The following OAS1 variants were observed in gnomAD, a reference collection of about 807,000 sequenced individuals.
OAS1 encodes 2'-5'-oligoadenylate synthase 1.
In OAS1, 24 loss-of-function variants were observed where a neutral mutation model predicts 38.5. The observed-to-expected ratio is 0.62, with a 90% CI of 0.45 to 0.88. OAS1 has a LOEUF of 0.88. Among genes scored for constraint, OAS1 ranks in the 40% least tolerant of loss-of-function variants. The probability of loss-of-function intolerance (pLI) is 0.00; values close to 1 mark genes in which losing one functional copy is unlikely to be tolerated. For missense variants in OAS1, 482 were observed against 493.9 expected, an observed-to-expected ratio of 0.98 and a Z score of 0.23; for synonymous variants, 169 against 193.9, an observed-to-expected ratio of 0.87 and a Z score of 1.07.
At chr12:112,923,722 T>A (rs2043543857), downstream of OAS1, among the ~76,000 whole-genome samples, 1 of 152,234 alleles carries the variant, frequency 6.6e-6, no homozygotes, top group Admixed American at 6.5e-5. Context: ...TCTGATGTAG[T>A]CCAAGTTGCC....
At chr12:112,915,694 G>T (rs960059743) in intron 3 of OAS1, among the ~76,000 whole-genome samples, 1 of 152,154 alleles carries the variant, frequency 6.6e-6, no homozygotes, top group East Asian at 1.9e-4. Context: ...CATTGAATTT[G>T]TAGATTGTTT....
intron 6 of OAS1, among the ~76,000 whole-genome samples, chr12:112,927,633 G>A (rs1480336214): frequency 6.6e-6 from 1 of 152,174 alleles, no homozygotes; most frequent in African/African-American, 2.4e-5. Context: ...GGACTACTAT[G>A]ATCTTGGTTT....
At chr12:112,927,696 G>T (rs1371937807) in intron 6 of OAS1, among the ~76,000 whole-genome samples, 1 of 152,118 alleles carries the variant, frequency 6.6e-6, no homozygotes, top group Non-Finnish European at 1.5e-5. Flanking sequence ...CCCCCAAGCT[G>T]CAGCATGACT....
At chr12:112,926,598 A>G (rs1045226435) in intron 6 of OAS1, among the ~76,000 whole-genome samples, 1 of 152,140 alleles carries the variant, frequency 6.6e-6, no homozygotes, top group African/African-American at 2.4e-5. Flanking sequence ...GGTCACAGAG[A>G]ACACATGATT....
At position 112,908,735 on chromosome 12, in the gene OAS1, G is replaced by C. The variant is rs201406745; in HGVS notation, c.380G>C (p.Gly127Ala). 1 of 1,614,196 alleles carries C rather than the reference G, an allele frequency of 6.2e-7. No homozygotes were observed. The highest frequency in any genetic ancestry group is 1.3e-5 in the African/African-American group (1 of 75,054). ...TTTGAGGTCCAGGCTCCACGCTGGG[G>C]CAACCCCCGTGCGCTCAGCTTCGTA... ...VKFEVQAPRWGNPRALSFVLS... is the reference protein window; with the variant it reads ...VKFEVQAPRWANPRALSFVLS... Residue 127 changes from glycine (G) to alanine (A), a missense_variant, in exon 2 of 6, where the codon GGC (glycine) becomes GCC (alanine). Coordinates refer to ENST00000202917, the MANE Select transcript of OAS1 (RefSeq NM_016816.4).
In OAS1 at chr12:112,916,754, A is replaced by C; in HGVS notation, c.884+16A>C. 3 of 1,568,582 alleles carry C rather than the reference A, an allele frequency of 1.9e-6. No individual in the cohort carries two copies. The highest frequency in any genetic ancestry group is 2.6e-6 in the Non-Finnish European group (3 of 1,138,588). On this transcript the variant is annotated intron_variant, in intron 4 of 5. Coordinates refer to ENST00000202917, the MANE Select transcript of OAS1 (RefSeq NM_016816.4). Reference sequence around the variant, plus strand: ...CGAAACCCAGGTATGCTATCCCCACATGGCTTAGCTCCCCTATGTAAATGA... The same window carrying C: ...CGAAACCCAGGTATGCTATCCCCACCTGGCTTAGCTCCCCTATGTAAATGA...
At chr12:112,921,778 T>G (rs1257876485), downstream of OAS1, among the ~76,000 whole-genome samples, 1 of 152,206 alleles carries the variant, frequency 6.6e-6, no homozygotes, top group Non-Finnish European at 1.5e-5. Flanking sequence ...TGTACTTCCC[T>G]GGCTCTGAGA....
Position 112,908,522 on chromosome 12 carries a change from G to T in OAS1, c.181-14G>T. The T allele has an allele frequency of 6.3e-7, 1 of 1,595,750 alleles. No homozygotes were observed. Among genetic ancestry groups the T allele is most frequent in the Admixed American group, 1.8e-5 (1 of 55,802 alleles). On this transcript the variant is annotated splice_polypyrimidine_tract_variant and intron_variant, in intron 1 of 5. Coordinates refer to ENST00000202917, the MANE Select transcript of OAS1 (RefSeq NM_016816.4). ...TCACTAAGCATCAATTATTATTTTTGTCGTCTTTTTCAGGGTGGCTCCTCA... is the reference window on the plus strand; with the variant it reads ...TCACTAAGCATCAATTATTATTTTTTTCGTCTTTTTCAGGGTGGCTCCTCA...
rs756306394 is a variant in OAS1, at chr12:112,911,103, C to T, written c.522C>T (p.Ile174=). 2.2e-5 allele frequency: 35 copies of T among 1,613,908 alleles called. No individual in the cohort carries two copies. Among genetic ancestry groups the T allele is most frequent in the African/African-American group, 1.1e-4 (8 of 74,880 alleles). ...KPNPQIYVKL[I]EECTDLQKEG... is the part of the protein sequence containing the mutation. ...ACCCCCAAATCTATGTCAAGCTCAT[C>T]GAGGAGTGCACCGACCTGCAGAAAG... The change falls in exon 3 of 6, where the codon ATC becomes ATT. Residue 174 remains isoleucine, a synonymous_variant. Coordinates refer to ENST00000202917, the MANE Select transcript of OAS1 (RefSeq NM_016816.4).
At chr12:112,929,854 C>T (rs976249666) in intron 6 of OAS1, among the ~76,000 whole-genome samples, 9 of 152,138 alleles carry the variant, frequency 5.9e-5, no homozygotes, top group African/African-American at 1.7e-4. Flanking sequence ...ACTTAGTGTG[C>T]GTGGCCTTGC....
intron 5 of OAS1, 105 bp from the exon 6 acceptor site, chr12:112,919,284 A>C: frequency 9.3e-7 from 1 of 1,071,424 alleles, no homozygotes; most frequent in South Asian, 1.5e-5. Flanking sequence ...CCTTCCTCAA[A>C]GGGGGATCCA....
In OAS1 at chr12:112,916,572, T is replaced by G; in HGVS notation, c.718T>G (p.Trp240Gly). 3 of 1,614,136 alleles carry G rather than the reference T, an allele frequency of 1.9e-6. No homozygotes were observed. The highest frequency in any genetic ancestry group is 1.7e-6 in the Non-Finnish European group (2 of 1,180,032). The change falls in exon 4 of 6, where the codon TGG (tryptophan) becomes GGG (glycine). Residue 240 changes from tryptophan to glycine, a missense_variant. Coordinates refer to ENST00000202917, the MANE Select transcript of OAS1 (RefSeq NM_016816.4). ...CCTGGAGCTCCTGACGGTCTATGCT[T>G]GGGAGCGAGGGAGCATGAAAACACA... is the stretch of plus-strand genomic sequence containing the variant. ...YALELLTVYAWERGSMKTHFN... is the reference protein window; with the variant it reads ...YALELLTVYAGERGSMKTHFN...
At chr12:112,930,274 A>C (rs6489877) in intron 6 of OAS1, among the ~76,000 whole-genome samples, 2 of 152,050 alleles carry the variant, frequency 1.3e-5, no homozygotes, top group African/African-American at 4.8e-5. Flanking sequence ...CTGCAGAACC[A>C]TGAGCCGATT....
In OAS1 at chr12:112,908,818, G is replaced by A. The variant is rs1249422803; in HGVS notation, c.463G>A (p.Ala155Thr). ...GTTCGATGTGCTGCCTGCCTTTGAT[G>A]CCCTGGGTGAGAGCTCCCAGCTTCT... ...VEFDVLPAFD[A>T]LGQLTGGYKP... Residue 155 changes from alanine (A) to threonine (T), a missense_variant, in exon 2 of 6, where the codon GCC becomes ACC. Coordinates refer to ENST00000202917, the MANE Select transcript of OAS1 (RefSeq NM_016816.4). 6.3e-6 allele frequency: 10 copies of A among 1,583,564 alleles called. No individual in the cohort carries two copies. The highest frequency in any genetic ancestry group is 7.7e-6 in the Non-Finnish European group (9 of 1,163,724).
At chr12:112,928,595 C>T (rs1310574320) in intron 6 of OAS1, among the ~76,000 whole-genome samples, 3 of 152,314 alleles carry the variant, frequency 2.0e-5, no homozygotes, top group Admixed American at 6.5e-5. Context: ...CTGTTCTGTG[C>T]GTGTCTTCTG....
At chr12:112,911,697 CT>C (rs1233685489) in intron 3 of OAS1, among the ~76,000 whole-genome samples, 1 of 152,174 alleles carries the variant, frequency 6.6e-6, no homozygotes, top group African/African-American at 2.4e-5. Flanking sequence ...GCAACTTAAC[CT>C]TTCTGTTCTT....
intron 2 of OAS1, 42 bp downstream of exon 2, chr12:112,908,866 G>A (rs773737618): frequency 6.5e-6 from 10 of 1,531,712 alleles, no homozygotes; most frequent in African/African-American, 4.2e-5. Context: ...TCCCATTTCT[G>A]AGCAGAAATC....
At chr12:112,914,670 A>G (rs1172799046) in intron 3 of OAS1, among the ~76,000 whole-genome samples, 2 of 143,838 alleles carry the variant, frequency 1.4e-5, no homozygotes, top group African/African-American at 5.1e-5. Flanking sequence ...TGTGGTTTTG[A>G]TTTGCATTTC....
rs367580813 is a variant in OAS1 at position 112,916,568 on chromosome 12, T to C, written c.714T>C (p.Tyr238=). The change falls in exon 4 of 6, where the codon TAT becomes TAC. Residue 238 remains tyrosine, a synonymous_variant. Transcript: ENST00000202917. ...PQYALELLTV[Y]AWERGSMKTH... Reference sequence around the variant, plus strand: ...ATGCCCTGGAGCTCCTGACGGTCTATGCTTGGGAGCGAGGGAGCATGAAAA... The same window carrying C: ...ATGCCCTGGAGCTCCTGACGGTCTACGCTTGGGAGCGAGGGAGCATGAAAA... The C allele has an allele frequency of 4.3e-6, 7 of 1,614,056 alleles. No individual in the cohort carries two copies. The African/African-American group carries it at 9.3e-5, about 22-fold the overall frequency.
Sources: gnomAD v4.1 joint callset for allele counts (sites outside exome capture counted in the v4.1 genomes callset) on GRCh38, gnomAD v4.1.1 for gene constraint, MANE v1.5 for transcripts, NCBI Gene and HGNC (gene_info 2026-07-23, HGNC 2026-07-21) for gene names.